LYPLAL1: variants seen among roughly 807,000 people sequenced by gnomAD.
LYPLAL1 encodes the protein lysophospholipase-like protein 1.
Under a neutral mutation model 19.7 loss-of-function variants are expected in LYPLAL1, and 23 were observed. The ratio of observed to expected loss-of-function variants is 1.17; its 90% CI spans 0.84 to 1.65. LYPLAL1 has a LOEUF of 1.65. Ranked by LOEUF, LYPLAL1 falls within the 40% of genes most tolerant of loss-of-function variation. The pLI, the probability that LYPLAL1 is intolerant of heterozygous loss-of-function variation, is 0.00. For synonymous variants in LYPLAL1, 119 were observed against 96.3 expected (o/e 1.24, Z -1.38); for missense variants, 355 against 279.4 (o/e 1.27, Z -1.93).
At chr1:219,251,214 C>T in the LYPLAL1 span, among the ~76,000 whole-genome samples, 28 of 152,030 alleles carry the variant, frequency 1.8e-4, no homozygotes, top group South Asian at 1.9e-3. Flanking sequence ...AATTTGTTCT[C>T]CCATTCTGTA....
At chr1:219,401,170 C>A in the LYPLAL1 span, among the ~76,000 whole-genome samples, 1 of 151,718 alleles carries the variant, frequency 6.6e-6, no homozygotes, top group East Asian at 1.9e-4. Context: ...TCACAAATTG[C>A]TCTCATCAAT....
the LYPLAL1 span, among the ~76,000 whole-genome samples, chr1:219,283,349 C>T: frequency 6.6e-6 from 1 of 152,166 alleles, no homozygotes; most frequent in South Asian, 2.1e-4. Flanking sequence ...AACAAATCTT[C>T]ATCATCCATG....
Position 219,212,711 on chromosome 1 carries a change from A to T in LYPLAL1, c.*983A>T, listed in dbSNP as rs1659135472. 1.3e-5 allele frequency: 2 copies of T among 152,010 alleles called. No homozygotes were observed. The highest frequency in any genetic ancestry group is 4.8e-5 in the African/African-American group (2 of 41,416). 9.4% of individuals were successfully genotyped at this position (152,010 alleles called of 1,614,324 possible). On this transcript the variant is annotated 3_prime_UTR_variant, in exon 5 of 5. Coordinates refer to ENST00000366928, the MANE Select transcript of LYPLAL1 (RefSeq NM_138794.5). Reference sequence around the variant, plus strand: ...AACAAAATTATCATGAGATTTTTCCATGTTGTGTACATCAATAGTTCATCT... The same window carrying T: ...AACAAAATTATCATGAGATTTTTCCTTGTTGTGTACATCAATAGTTCATCT...
the LYPLAL1 span, among the ~76,000 whole-genome samples, chr1:219,424,961 A>T: frequency 6.6e-6 from 1 of 152,174 alleles, no homozygotes; most frequent in Non-Finnish European, 1.5e-5. Context: ...AACTAACTTA[A>T]TCCGTACAGT....
chr1:219,327,706 G>C, the LYPLAL1 span, among the ~76,000 whole-genome samples: 1 of 152,142 alleles, frequency 6.6e-6, no homozygotes, highest in South Asian at 2.1e-4. Context: ...CCACATGGGA[G>C]GTAATTGAAT....
At chr1:219,232,216 A>AC in the LYPLAL1 span, among the ~76,000 whole-genome samples, 9 of 152,180 alleles carry the variant, frequency 5.9e-5, no homozygotes, top group Admixed American at 5.2e-4. Context: ...TAGATTTGAG[A>AC]CCCCCAAACA....
In LYPLAL1 at chr1:219,211,885, T is replaced by C. The variant is rs1410779209; in HGVS notation, c.*157T>C. On this transcript the variant is annotated 3_prime_UTR_variant, in exon 5 of 5. Coordinates refer to ENST00000366928, the MANE Select transcript of LYPLAL1 (RefSeq NM_138794.5). ...TCACTGTAGACAGTAGCTAATCTTA[T>C]TAATGAAAAACAATAGACAAACATC... The C allele has an allele frequency of 4.3e-6, 2 of 465,208 alleles. No individual in the cohort carries two copies. The highest frequency in any genetic ancestry group is 7.5e-6 in the Non-Finnish European group (2 of 267,626). 28.8% of individuals were successfully genotyped at this position (465,208 alleles called of 1,614,324 possible).
the LYPLAL1 span, among the ~76,000 whole-genome samples, chr1:219,406,714 T>C: frequency 6.6e-6 from 1 of 152,228 alleles, no homozygotes; most frequent in Non-Finnish European, 1.5e-5. Context: ...AGGGATTATG[T>C]CTTATTTGTA....
rs765879896 is a variant in LYPLAL1, at chr1:219,173,927, A to G, written c.37A>G (p.Ile13Val). The G allele has an allele frequency of 2.5e-6, 4 of 1,613,744 alleles. No individual in the cohort carries two copies. Among genetic ancestry groups the G allele is most frequent in the East Asian group, 2.2e-5 (1 of 44,872 alleles). Reference protein sequence around the residue: ...AASGSVLQRCIVSPAGRHSAS... With the variant: ...AASGSVLQRCVVSPAGRHSAS... ...GTCGGGGTCGGTTCTGCAGCGCTGT[A>G]TCGTGTCGCCGGCAGGGAGGCATAG... The change falls in exon 1 of 5, where the codon ATC becomes GTC. Residue 13 changes from isoleucine (I) to valine (V), a missense_variant. Transcript: ENST00000366928.
At chr1:219,409,545 A>G in the LYPLAL1 span, 1 of 152,198 alleles carries the variant, frequency 6.6e-6, no homozygotes, top group Non-Finnish European at 1.5e-5. Flanking sequence ...GTGTCCAGAA[A>G]AGGAGCGAAT....
the LYPLAL1 span, among the ~76,000 whole-genome samples, chr1:219,270,480 G>A: frequency 6.6e-6 from 1 of 152,208 alleles, no homozygotes; most frequent in East Asian, 1.9e-4. Flanking sequence ...TTAGGACTGG[G>A]TGTGCCATGC....
At chr1:219,201,665 T>C (rs1294507757) in intron 3 of LYPLAL1, among the ~76,000 whole-genome samples, 1 of 152,156 alleles carries the variant, frequency 6.6e-6, no homozygotes, top group African/African-American at 2.4e-5. Context: ...TTTTTCTACA[T>C]TGAGATACAG....
chr1:219,349,505 T>A, the LYPLAL1 span, among the ~76,000 whole-genome samples: 25 of 152,204 alleles, frequency 1.6e-4, no homozygotes. Flanking sequence ...ATAGGGAAAG[T>A]TCCTCAGGGA....
At chr1:219,200,030 C>G (rs1391167010) in intron 3 of LYPLAL1, 2 of 231,694 alleles carry the variant, frequency 8.6e-6, no homozygotes, top group Admixed American at 8.1e-5. Flanking sequence ...GCCCATTATC[C>G]CCACACCACC....
chr1:219,429,000 T>C, the LYPLAL1 span, among the ~76,000 whole-genome samples: 1 of 152,200 alleles, frequency 6.6e-6, no homozygotes, highest in Non-Finnish European at 1.5e-5. Context: ...CTCAGAAATA[T>C]GGCCTTATCT....
At position 219,173,878 on chromosome 1, in the gene LYPLAL1, A is replaced by G. The variant is rs755417392; in HGVS notation, c.-13A>G. On this transcript the variant is annotated 5_prime_UTR_variant, in exon 1 of 5. Coordinates refer to ENST00000366928, the MANE Select transcript of LYPLAL1 (RefSeq NM_138794.5). The stretch of plus-strand genomic sequence containing the variant: ...GCAGGGGCGGAACCGCATGACTGGC[A>G]GTGGCATCAGCGATGGCGGCTGCGT... 2 of 1,611,266 alleles carry G rather than the reference A, an allele frequency of 1.2e-6. No homozygotes were observed. Among genetic ancestry groups the G allele is most frequent in the Middle Eastern group, 1.7e-4 (1 of 6,014 alleles).
the LYPLAL1 span, among the ~76,000 whole-genome samples, chr1:219,399,943 G>C: frequency 1.3e-5 from 2 of 152,166 alleles, no homozygotes; most frequent in Admixed American, 6.5e-5. Context: ...CAGCTGGCTT[G>C]CTGACCCTAC....
chr1:219,386,112 C>A, the LYPLAL1 span, among the ~76,000 whole-genome samples: 4 of 152,128 alleles, frequency 2.6e-5, no homozygotes, highest in Non-Finnish European at 5.9e-5. Flanking sequence ...AGAGGGGAGA[C>A]GGCAGAGCTT....
the LYPLAL1 span, chr1:219,437,021 G>A: frequency 6.6e-6 from 1 of 152,128 alleles, no homozygotes; most frequent in African/African-American, 2.4e-5. Context: ...GAAAACTCTG[G>A]GTGCCTGTGA....
Sources: allele counts gnomAD v4.1 joint callset (sites outside exome capture counted in the v4.1 genomes callset), GRCh38; gene constraint gnomAD v4.1.1; transcripts MANE v1.5; gene names NCBI Gene and HGNC (gene_info 2026-07-23, HGNC 2026-07-21).